ZRANB3: variants seen among roughly 807,000 people sequenced by gnomAD.
ZRANB3 encodes zinc finger RANBP2-type containing 3, also known as DNA annealing helicase and endonuclease ZRANB3.
Under a neutral mutation model 133.8 loss-of-function variants are expected in ZRANB3, and 125 were observed. The ratio of observed to expected loss-of-function variants is 0.93; its 90% CI spans 0.81 to 1.08. ZRANB3 has a LOEUF of 1.08. Among genes scored for constraint, ZRANB3 ranks in the 50% least tolerant of loss-of-function variants. The pLI is 0.00. For missense variants in ZRANB3, 1,229 were observed against 1,275.5 expected (o/e 0.96, Z 0.56); for synonymous variants, 387 against 432.7 (o/e 0.89, Z 1.31).
At chr2:135,494,647 G>A (rs1169723727) in intron 2 of ZRANB3, among the ~76,000 whole-genome samples, 2 of 152,154 alleles carry the variant, frequency 1.3e-5, no homozygotes, top group African/African-American at 4.8e-5. Flanking sequence ...CCAGGAACTT[G>A]GCCTTGGGGC....
intron 11 of ZRANB3, 144 bp downstream of exon 11, chr2:135,268,818 T>C: frequency 1.4e-6 from 1 of 729,108 alleles, no homozygotes; most frequent in Non-Finnish European, 2.2e-6. Flanking sequence ...TGAAGCCTTT[T>C]CTTAACTTGG....
At chr2:135,402,326 G>A (rs1687770183) in intron 2 of ZRANB3, among the ~76,000 whole-genome samples, 4 of 140,602 alleles carry the variant, frequency 2.8e-5, no homozygotes, top group Non-Finnish European at 4.5e-5. Flanking sequence ...ACGGAGTCTC[G>A]CTCTGTTGCC....
In ZRANB3 at chr2:135,247,016, C is replaced by T. The variant is rs112728163; in HGVS notation, c.1540-16089G>A. 3.0e-3 allele frequency among the ~76,000 whole-genome samples: 453 copies of T among 152,322 alleles called. 3 individuals are homozygous for T. Among genetic ancestry groups the T allele is most frequent in the African/African-American group, 0.01 (422 of 41,580 alleles). Reference sequence around the variant, plus strand: ...AATAAAGCACTTCAAAGCTTGGTGCCATTCCAGGGAAGCACAGGCTACCAA... The same window carrying T: ...AATAAAGCACTTCAAAGCTTGGTGCTATTCCAGGGAAGCACAGGCTACCAA... On this transcript the variant is annotated intron_variant, in intron 12 of 20. Coordinates refer to ENST00000264159, the MANE Select transcript of ZRANB3 (RefSeq NM_032143.4).
At chr2:135,428,776 T>G (rs1442220359) in intron 2 of ZRANB3, among the ~76,000 whole-genome samples, 2 of 152,188 alleles carry the variant, frequency 1.3e-5, no homozygotes, top group Non-Finnish European at 2.9e-5. Context: ...AATAAGCATA[T>G]GCAAAAATCC....
chr2:135,519,110 G>A (rs1168109840), intron 1 of ZRANB3, among the ~76,000 whole-genome samples: 1 of 152,136 alleles, frequency 6.6e-6, no homozygotes, highest in Non-Finnish European at 1.5e-5. Flanking sequence ...TAGATTAGTG[G>A]TTAGGTTGGG....
At chr2:135,212,156 A>G (rs1694117378) in intron 17 of ZRANB3, among the ~76,000 whole-genome samples, 1 of 152,206 alleles carries the variant, frequency 6.6e-6, no homozygotes, top group Non-Finnish European at 1.5e-5. Flanking sequence ...TCTTTCTTAG[A>G]GCAAAAAGGA....
intron 2 of ZRANB3, among the ~76,000 whole-genome samples, chr2:135,420,125 A>ATATATATATATATATATATC (rs1688777690): frequency 7.5e-6 from 1 of 133,574 alleles, no homozygotes; most frequent in Admixed American, 7.8e-5. Flanking sequence ...ATATATATAT[A>ATATATATATATATATATATC]ACTTATAGAG....
At chr2:135,425,929 AATAG>A (rs912508662) in intron 2 of ZRANB3, among the ~76,000 whole-genome samples, 33 of 152,172 alleles carry the variant, frequency 2.2e-4, no homozygotes, top group African/African-American at 7.5e-4. Context: ...TGAAAGAATA[AATAG>A]ATAGACCACT....
At chr2:135,401,413 A>G (rs1687724965) in intron 2 of ZRANB3, among the ~76,000 whole-genome samples, 1 of 152,160 alleles carries the variant, frequency 6.6e-6, no homozygotes, top group Non-Finnish European at 1.5e-5. Context: ...AAACGGCCTT[A>G]GAAGTTGTGG....
intron 1 of ZRANB3, among the ~76,000 whole-genome samples, chr2:135,515,848 C>T (rs570201233): frequency 6.6e-6 from 1 of 152,224 alleles, no homozygotes; most frequent in South Asian, 2.1e-4. Flanking sequence ...TTAATTTTGT[C>T]TCATTAATCT....
intron 15 of ZRANB3, among the ~76,000 whole-genome samples, chr2:135,220,862 T>A (rs184319933): frequency 0.038 from 5,697 of 150,192 alleles, 150 homozygotes; most frequent in South Asian, 0.049. Context: ...GAATTTATTT[T>A]TTTTTTTTTT....
At chr2:135,314,426 C>T (rs543809000) in intron 7 of ZRANB3, among the ~76,000 whole-genome samples, 15 of 152,018 alleles carry the variant, frequency 9.9e-5, no homozygotes, top group Admixed American at 1.3e-4. Context: ...TCAATGTTTA[C>T]AAAATGCTTA....
chr2:135,424,828 T>A (rs1430819247), intron 2 of ZRANB3, among the ~76,000 whole-genome samples: 1 of 152,122 alleles, frequency 6.6e-6, no homozygotes, highest in Non-Finnish European at 1.5e-5. Flanking sequence ...AGTCTGAAAA[T>A]AACTCTAACC....
chr2:135,319,645 T>C (rs1236725859), intron 6 of ZRANB3, among the ~76,000 whole-genome samples: 2 of 152,184 alleles, frequency 1.3e-5, no homozygotes, highest in Non-Finnish European at 2.9e-5. Flanking sequence ...TCTCTTCCAG[T>C]ACTCACATGT....
chr2:135,520,596 T>A (rs1286246941), intron 1 of ZRANB3, among the ~76,000 whole-genome samples: 1 of 151,728 alleles, frequency 6.6e-6, no homozygotes, highest in African/African-American at 2.4e-5. Flanking sequence ...TTTTGTTTGT[T>A]TTTTTTGAGA....
At chr2:135,437,531 T>C (rs977378496) in intron 2 of ZRANB3, among the ~76,000 whole-genome samples, 1 of 152,176 alleles carries the variant, frequency 6.6e-6, no homozygotes, top group African/African-American at 2.4e-5. Context: ...TAGATGCTGG[T>C]TATACAGGAA....
chr2:135,258,134 GT>G (rs528088896), intron 12 of ZRANB3, among the ~76,000 whole-genome samples: 11 of 149,552 alleles, frequency 7.4e-5, no homozygotes, highest in South Asian at 2.1e-4. Flanking sequence ...ATTTAAGTAA[GT>G]TTTTTTTTTA....
rs374637725 is a variant in ZRANB3 at position 135,349,943 on chromosome 2, C to T, written c.591+41G>A. On this transcript the variant is annotated intron_variant, in intron 5 of 20. Transcript: ENST00000264159. Reference sequence around the variant, plus strand: ...GTTGATTCAATACGCCTCCCACCCCCCTTCTCTTCTTTTAAGTTCGAAGTA... The same window carrying T: ...GTTGATTCAATACGCCTCCCACCCCTCTTCTCTTCTTTTAAGTTCGAAGTA... 7 of 1,578,598 alleles carry T rather than the reference C, an allele frequency of 4.4e-6. No homozygotes were observed. In the East Asian group the frequency reaches 1.1e-4, roughly 25 times the overall value.
At chr2:135,266,157 T>C (rs948060495) in intron 11 of ZRANB3, among the ~76,000 whole-genome samples, 1 of 152,074 alleles carries the variant, frequency 6.6e-6, no homozygotes, top group Non-Finnish European at 1.5e-5. Context: ...TGCAGTGAGC[T>C]GAGATCCTGC....
Sources: allele counts gnomAD v4.1 joint callset (sites outside exome capture counted in the v4.1 genomes callset), GRCh38; gene constraint gnomAD v4.1.1; transcripts MANE v1.5; gene names NCBI Gene and HGNC (gene_info 2026-07-23, HGNC 2026-07-21).